MYZAP: variants seen among roughly 807,000 people sequenced by gnomAD.
MYZAP encodes myocardial zonula adherens protein.
Under a neutral mutation model 69.4 loss-of-function variants are expected in MYZAP, and 66 were observed. The observed-to-expected ratio is 0.95, with a 90% confidence interval of 0.78 to 1.17. MYZAP has a LOEUF of 1.17. Among genes scored for constraint, MYZAP ranks in the 50% most tolerant of loss-of-function variants. MYZAP has a pLI of 0.00. For missense variants in MYZAP, 611 were observed against 556.2 expected (o/e 1.10, Z -0.99); for synonymous variants, 256 against 205.9 (o/e 1.24, Z -2.09).
intron 7 of MYZAP, among the ~76,000 whole-genome samples, chr15:57,633,275 A>G (rs186510092): frequency 7.1e-4 from 108 of 152,322 alleles, no homozygotes; most frequent in Admixed American, 2.4e-3. Context: ...TCTGGTTCTA[A>G]TTCCCTTACA....
chr15:57,609,787 A>T (rs142358954), intron 2 of MYZAP, among the ~76,000 whole-genome samples: 5 of 152,362 alleles, frequency 3.3e-5, no homozygotes, highest in Non-Finnish European at 5.9e-5. Context: ...AAATTGATAA[A>T]TGTAGAATAT....
At position 57,629,770 on chromosome 15, in the gene MYZAP, G is replaced by A. The variant is rs371814833; in HGVS notation, c.594G>A (p.Thr198=). The A allele has an allele frequency of 3.4e-5, 55 of 1,613,956 alleles. No individual in the cohort carries two copies. The highest frequency in any genetic ancestry group is 3.2e-5 in the Non-Finnish European group (38 of 1,180,000). ...ATCAAATCAGAAATCTGCAGCAGACGTATGAAGCATCCATGGACAAGCTGA... is the reference window on the plus strand; with the variant it reads ...ATCAAATCAGAAATCTGCAGCAGACATATGAAGCATCCATGGACAAGCTGA... ...IKDQIRNLQQ[T]YEASMDKLRE... is the part of the protein sequence containing the mutation. Residue 198 remains threonine (T), a synonymous_variant, in exon 6 of 13, where the codon ACG becomes ACA. Coordinates refer to ENST00000267853, the MANE Select transcript of MYZAP (RefSeq NM_001018100.5).
intron 2 of MYZAP, among the ~76,000 whole-genome samples, chr15:57,610,088 A>C (rs1218932482): frequency 6.6e-6 from 1 of 152,218 alleles, no homozygotes; most frequent in Non-Finnish European, 1.5e-5. Flanking sequence ...TTGCAAATAG[A>C]TAAAATAGCT....
intron 12 of MYZAP, 24 bp downstream of exon 12, chr15:57,675,092 T>G: frequency 1.3e-6 from 2 of 1,586,406 alleles, no homozygotes; most frequent in Non-Finnish European, 1.7e-6. Context: ...TCCTGATTTT[T>G]TTTTTTATTC....
intron 2 of MYZAP, among the ~76,000 whole-genome samples, chr15:57,609,823 C>A (rs2034991866): frequency 6.6e-6 from 1 of 152,130 alleles, no homozygotes; most frequent in Non-Finnish European, 1.5e-5. Flanking sequence ...GCTGAACATT[C>A]AAATTAAAAT....
chr15:57,635,114 T>C (rs1159550961), intron 8 of MYZAP, among the ~76,000 whole-genome samples: 1 of 152,194 alleles, frequency 6.6e-6, no homozygotes, highest in African/African-American at 2.4e-5. Flanking sequence ...ACATAGGCTT[T>C]AGAATCAGAC....
chr15:57,607,903 G>T (rs759798531), intron 2 of MYZAP, among the ~76,000 whole-genome samples: 2 of 152,164 alleles, frequency 1.3e-5, no homozygotes, highest in East Asian at 3.9e-4. Context: ...ATGCACTGTC[G>T]GGGAGACTCT....
intron 2 of MYZAP, among the ~76,000 whole-genome samples, chr15:57,607,836 G>T: frequency 6.6e-6 from 1 of 152,180 alleles, no homozygotes; most frequent in East Asian, 1.9e-4. Context: ...TGCTCTGAGT[G>T]ATTTCGTCAC....
At position 57,633,712 on chromosome 15, in the gene MYZAP, C is replaced by T. The variant is rs577399655; in HGVS notation, c.904C>T (p.Leu302=). The change falls in exon 8 of 13, where the codon CTG becomes TTG. Residue 302 remains leucine (L), a synonymous_variant. Coordinates refer to ENST00000267853, the MANE Select transcript of MYZAP (RefSeq NM_001018100.5). ...LEEKDQRIGE[L]DRLIERMEKE... ...GGAGAAAGACCAGAGGATCGGGGAG[C>T]TGGACAGGCTGATTGAGCGCATGGA... The T allele has an allele frequency of 1.5e-5, 24 of 1,611,274 alleles. No individual in the cohort carries two copies. In the East Asian group the frequency reaches 5.1e-4, roughly 35 times the overall value.
chr15:57,618,263 T>G, intron 3 of MYZAP, 75 bp downstream of exon 3: 3 of 1,543,576 alleles, frequency 1.9e-6, no homozygotes, highest in Non-Finnish European at 2.6e-6. Flanking sequence ...TTGGAAGCAT[T>G]GAAGTGAATG....
intron 1 of MYZAP, among the ~76,000 whole-genome samples, chr15:57,592,628 C>T (rs1277784527): frequency 6.6e-6 from 1 of 152,142 alleles, no homozygotes; most frequent in Non-Finnish European, 1.5e-5. Context: ...TGTGGGACTC[C>T]GGTTTATGTA....
intron 11 of MYZAP, among the ~76,000 whole-genome samples, chr15:57,671,029 A>T (rs1341660862): frequency 6.6e-6 from 1 of 152,110 alleles, no homozygotes; most frequent in Non-Finnish European, 1.5e-5. Flanking sequence ...ATTCTTTCAT[A>T]TATACTCTAT....
At chr15:57,646,356 CTTGT>C in intron 10 of MYZAP, 1 of 1,180,644 alleles carries the variant, frequency 8.5e-7, no homozygotes, top group Non-Finnish European at 1.1e-6. Context: ...ATGTGGGGCT[CTTGT>C]TTGTGAAAAC....
At chr15:57,675,858 C>T (rs2039088485) in intron 12 of MYZAP, among the ~76,000 whole-genome samples, 1 of 152,172 alleles carries the variant, frequency 6.6e-6, no homozygotes, top group African/African-American at 2.4e-5. Flanking sequence ...TGACATGTGA[C>T]TTGTGATTTA....
intron 11 of MYZAP, among the ~76,000 whole-genome samples, chr15:57,674,302 C>A (rs952097648): frequency 1.3e-5 from 2 of 152,144 alleles, no homozygotes; most frequent in Non-Finnish European, 2.9e-5. Context: ...AGCATCTAAT[C>A]TTTAACTTAT....
At chr15:57,661,042 C>T (rs1017783497) in intron 10 of MYZAP, among the ~76,000 whole-genome samples, 7 of 152,156 alleles carry the variant, frequency 4.6e-5, no homozygotes, top group Non-Finnish European at 7.3e-5. Context: ...CCTGCAAATT[C>T]AAGCCGAATA....
At chr15:57,657,010 T>C (rs1180611164) in intron 10 of MYZAP, among the ~76,000 whole-genome samples, 1 of 152,176 alleles carries the variant, frequency 6.6e-6, no homozygotes, top group Non-Finnish European at 1.5e-5. Flanking sequence ...AGACCTTCTC[T>C]CTATAGCACT....
At chr15:57,661,983 G>T (rs186242068) in intron 11 of MYZAP, among the ~76,000 whole-genome samples, 2 of 152,280 alleles carry the variant, frequency 1.3e-5, no homozygotes, top group East Asian at 3.9e-4. Context: ...GCTCAAGGTT[G>T]CCCAGCTTAA....
intron 4 of MYZAP, among the ~76,000 whole-genome samples, chr15:57,623,564 C>T (rs1451364943): frequency 1.3e-5 from 2 of 151,956 alleles, no homozygotes; most frequent in Non-Finnish European, 2.9e-5. Context: ...GAAACCCTGT[C>T]TCTACTAAAA....
Sources: gnomAD v4.1 joint callset for allele counts (sites outside exome capture counted in the v4.1 genomes callset) on GRCh38, gnomAD v4.1.1 for gene constraint, MANE v1.5 for transcripts, NCBI Gene and HGNC (gene_info 2026-07-23, HGNC 2026-07-21) for gene names.